GCNA: variants seen among roughly 807,000 people sequenced by gnomAD.
The protein encoded by GCNA is germ cell nuclear acidic peptidase.
A neutral mutation model predicts 38.8 loss-of-function variants in GCNA; 3 were observed. The ratio of observed to expected loss-of-function variants is 0.08; its 90% CI spans 0.04 to 0.20. GCNA has a LOEUF of 0.20. Ranked by LOEUF, GCNA falls within the 10% of genes least tolerant of loss-of-function variation. GCNA has a pLI of 1.00. For missense variants in GCNA, 446 were observed against 578.6 expected (o/e 0.77, Z 2.35); for synonymous variants, 195 against 240.2 (o/e 0.81, Z 1.74).
chrX:71,591,886 C>T (rs1274410442), intron 2 of GCNA, among the ~76,000 whole-genome samples: 2 of 112,372 alleles, frequency 1.8e-5, no homozygotes, highest in African/African-American at 6.5e-5. Flanking sequence ...ACTCATCTAA[C>T]ATTCTTCCCG....
In GCNA at chrX:71,592,104, T is replaced by C. The variant is rs1386008947; in HGVS notation, c.60-18T>C. 5 of 1,182,350 alleles carry C rather than the reference T, an allele frequency of 4.2e-6. No individual in the cohort carries two copies. Among genetic ancestry groups the C allele is most frequent in the Non-Finnish European group, 5.7e-6 (5 of 872,471 alleles). On this transcript the variant is annotated intron_variant, in intron 2 of 12. Coordinates refer to ENST00000373696, the MANE Select transcript of GCNA (RefSeq NM_052957.5). Reference sequence around the variant, plus strand: ...TCGATAGCCCTCCTTTTATAAAGTATCTCTTTTATTTTTGCAGTTACATCC... The same window carrying C: ...TCGATAGCCCTCCTTTTATAAAGTACCTCTTTTATTTTTGCAGTTACATCC...
chrX:71,581,484 A>C (rs1337825060), intron 2 of GCNA, among the ~76,000 whole-genome samples: 1 of 111,873 alleles, frequency 8.9e-6, no homozygotes, highest in East Asian at 2.8e-4. Flanking sequence ...ATATGCATGC[A>C]AGGGTATGAT....
intron 7 of GCNA, among the ~76,000 whole-genome samples, chrX:71,603,247 C>G (rs1471717054): frequency 8.9e-6 from 1 of 112,093 alleles, no homozygotes; most frequent in Non-Finnish European, 1.9e-5. Context: ...CTCAGGATAA[C>G]TTTGGCTATT....
At position 71,603,877 on chromosome X, in the gene GCNA, C is replaced by T; in HGVS notation, c.600C>T (p.Asn200=). The T allele has an allele frequency of 8.3e-7, 1 of 1,206,334 alleles. No homozygotes were observed. The highest frequency in any genetic ancestry group is 3.0e-5 in the East Asian group (1 of 33,593). The change falls in exon 8 of 13, where the codon AAC becomes AAT. Residue 200 remains asparagine, a synonymous_variant. Transcript: ENST00000373696. ...ACAGTGATGATTCATCCGACGACAA[C>T]AGTGATGATTCATCCGACGACAACA... The part of the protein sequence containing the change: ...DDNSDDSSDD[N]SDDSSDDNSD...
At chrX:71,578,824 G>A (rs751278063) in intron 1 of GCNA, among the ~76,000 whole-genome samples, 7 of 110,306 alleles carry the variant, frequency 6.3e-5, no homozygotes, top group East Asian at 2.9e-4. Flanking sequence ...CAGTGGCGGC[G>A]TGGGGAGAAG....
chrX:71,607,534 A>C (rs1375463714), intron 9 of GCNA, among the ~76,000 whole-genome samples: 2 of 112,321 alleles, frequency 1.8e-5, no homozygotes, highest in Non-Finnish European at 3.8e-5. Context: ...CTTCTGTTTA[A>C]ATGGTAGTTA....
intron 7 of GCNA, among the ~76,000 whole-genome samples, chrX:71,598,964 C>T (rs770404042): frequency 5.8e-4 from 64 of 110,475 alleles, no homozygotes; most frequent in Middle Eastern, 4.7e-3. Flanking sequence ...CCTCAGCCTC[C>T]TGAATAGCTG....
At chrX:71,603,230 CT>C (rs2040730639) in intron 7 of GCNA, among the ~76,000 whole-genome samples, 1 of 112,069 alleles carries the variant, frequency 8.9e-6, no homozygotes, top group East Asian at 2.8e-4. Flanking sequence ...CCACTTTGTT[CT>C]TTTTGCTCAG....
intron 9 of GCNA, among the ~76,000 whole-genome samples, chrX:71,608,674 T>C (rs1046676071): frequency 8.9e-6 from 1 of 112,654 alleles, no homozygotes; most frequent in African/African-American, 3.2e-5. Context: ...TGTTAATCAG[T>C]TGGAAGTTTG....
At chrX:71,598,481 C>T (rs761541114) in intron 7 of GCNA, among the ~76,000 whole-genome samples, 1 of 111,929 alleles carries the variant, frequency 8.9e-6, no homozygotes, top group African/African-American at 3.2e-5. Context: ...TATGGGCCAG[C>T]TGGCAGTGTC....
chrX:71,593,209 G>A (rs773180291), intron 4 of GCNA, among the ~76,000 whole-genome samples: 31 of 112,195 alleles, frequency 2.8e-4, no homozygotes. Flanking sequence ...CTAACTTTTA[G>A]TATGTAGAGC....
chrX:71,593,502 C>CTG (rs143940924), intron 4 of GCNA, among the ~76,000 whole-genome samples: 27 of 111,456 alleles, frequency 2.4e-4, no homozygotes, highest in East Asian at 5.7e-4. Flanking sequence ...GCATAACTCT[C>CTG]GTAAGTGATA....
chrX:71,580,945 C>A (rs926910594), intron 2 of GCNA, 65 bp downstream of exon 2: 7 of 1,025,830 alleles, frequency 6.8e-6, no homozygotes, highest in Non-Finnish European at 8.0e-6. Flanking sequence ...ACAGCTTTCT[C>A]GAGAAGTATG....
At chrX:71,589,375 C>A (rs946317171) in intron 2 of GCNA, among the ~76,000 whole-genome samples, 1 of 105,997 alleles carries the variant, frequency 9.4e-6, no homozygotes, top group Non-Finnish European at 1.9e-5. Flanking sequence ...GAGGCCTCCA[C>A]CTCCTGGGCT....
intron 2 of GCNA, among the ~76,000 whole-genome samples, chrX:71,584,780 A>G (rs907394421): frequency 2.1e-4 from 23 of 110,775 alleles, no homozygotes; most frequent in Non-Finnish European, 1.9e-5. Context: ...AGGCGGGAGA[A>G]TGGCGTGAAC....
intron 2 of GCNA, among the ~76,000 whole-genome samples, chrX:71,584,364 C>T (rs1446626875): frequency 2.7e-5 from 3 of 111,011 alleles, no homozygotes; most frequent in African/African-American, 9.8e-5. Flanking sequence ...GATCCTCCCA[C>T]CTCAGCCTTC....
At chrX:71,586,661 G>A (rs1235666647) in intron 2 of GCNA, among the ~76,000 whole-genome samples, 1 of 110,815 alleles carries the variant, frequency 9.0e-6, no homozygotes, top group African/African-American at 3.3e-5. Context: ...CCAGGCTTGA[G>A]TGCAGTGGTG....
intron 11 of GCNA, among the ~76,000 whole-genome samples, chrX:71,612,102 G>A (rs1288609017): frequency 5.0e-5 from 5 of 99,243 alleles, no homozygotes; most frequent in South Asian, 9.7e-4. Context: ...GCAAAACCCC[G>A]TCTCTACTAA....
At position 71,608,953 on chromosome X, in the gene GCNA, A is replaced by C. The variant is rs1441872640; in HGVS notation, c.1467-20A>C. ...CTCTCTCTTTAGCTACATAAACCTC[A>C]GTTGAATTTATCTTTGCAGGACTCC... On this transcript the variant is annotated intron_variant, in intron 9 of 12. Transcript: ENST00000373696. The C allele has an allele frequency of 8.3e-7, 1 of 1,204,635 alleles. No homozygotes were observed.
Sources: gnomAD v4.1 joint callset for allele counts (sites outside exome capture counted in the v4.1 genomes callset) on GRCh38, gnomAD v4.1.1 for gene constraint, MANE v1.5 for transcripts, NCBI Gene and HGNC (gene_info 2026-07-23, HGNC 2026-07-21) for gene names.